The following G3BP2 variants were observed in gnomAD, a reference collection of about 807,000 sequenced individuals.
The protein encoded by G3BP2 is ras GTPase-activating protein-binding protein 2.
In G3BP2, 11 loss-of-function variants were observed where a neutral mutation model predicts 56.7. That is an observed-to-expected ratio of 0.19 (90% confidence interval 0.12 to 0.32). The LOEUF (loss-of-function observed/expected upper bound fraction) is 0.32, where lower values mean the gene tolerates loss of function less well. Among genes scored for constraint, G3BP2 ranks in the 10% least tolerant of loss-of-function variants. G3BP2 has a pLI of 1.00. For missense variants in G3BP2, 340 were observed against 610.9 expected, an observed-to-expected ratio of 0.56 and a Z score of 4.67; for synonymous variants, 165 against 191.6, an observed-to-expected ratio of 0.86 and a Z score of 1.15.
At chr4:75,666,898 T>C (rs1007288269) in intron 1 of G3BP2, among the ~76,000 whole-genome samples, 1 of 152,144 alleles carries the variant, frequency 6.6e-6, no homozygotes, top group African/African-American at 2.4e-5. Flanking sequence ...TCCATGGCCA[T>C]GAAAAACTCA....
intron 2 of G3BP2, among the ~76,000 whole-genome samples, chr4:75,661,334 G>A (rs1732537172): frequency 6.6e-6 from 1 of 152,080 alleles, no homozygotes; most frequent in Non-Finnish European, 1.5e-5. Context: ...CACCATGTTG[G>A]CCAGGCTGGT....
At chr4:75,646,623 C>A (rs1046225344) in intron 10 of G3BP2, among the ~76,000 whole-genome samples, 167 bp from the exon 11 acceptor site, 94 of 152,172 alleles carry the variant, frequency 6.2e-4, no homozygotes, top group African/African-American at 2.1e-3. Context: ...AGCAGGCAAT[C>A]CCCTAAGATA....
chr4:75,653,601 A>C lies in G3BP2; in HGVS notation c.825+382T>G, dbSNP rs112918855. Reference sequence around the variant, plus strand: ...TTTTTTTTTGCTTTAAAAAAAAAAAAAAAAACAAAAACGATTCTTTATTAC... The same window carrying C: ...TTTTTTTTTGCTTTAAAAAAAAAAACAAAAACAAAAACGATTCTTTATTAC... On this transcript the variant is annotated intron_variant, in intron 8 of 11. Transcript: ENST00000359707. Among the ~76,000 whole-genome samples the C allele has an allele frequency of 1.3e-3, 204 of 151,158 alleles. 1 individual carries two copies. The highest frequency in any genetic ancestry group is 3.6e-3 in the African/African-American group (147 of 41,202).
chr4:75,656,119 T>G (rs1390389856), intron 5 of G3BP2, among the ~76,000 whole-genome samples: 2 of 151,652 alleles, frequency 1.3e-5, no homozygotes, highest in African/African-American at 4.9e-5. Flanking sequence ...GCCTCTTGAG[T>G]AGCTGGGGTT....
chr4:75,668,672 A>G (rs1226514259), intron 1 of G3BP2, among the ~76,000 whole-genome samples: 1 of 152,184 alleles, frequency 6.6e-6, no homozygotes, highest in Non-Finnish European at 1.5e-5. Flanking sequence ...TAAGATCCTA[A>G]AAGTCTGTTA....
intron 11 of G3BP2, 59 bp downstream of exon 11, chr4:75,646,279 A>G (rs1377384172): frequency 1.3e-6 from 1 of 784,996 alleles, no homozygotes; most frequent in Non-Finnish European, 2.2e-6. Context: ...TAAATACCCC[A>G]AATTAATATA....
upstream of G3BP2, among the ~76,000 whole-genome samples, chr4:75,677,032 C>A (rs1224595034): frequency 6.6e-6 from 1 of 152,110 alleles, no homozygotes; most frequent in African/African-American, 2.4e-5. Flanking sequence ...ATGAATCAGA[C>A]CCAATCACCA....
chr4:75,700,005 T>C (rs1223503353), intron 3 of G3BP2, among the ~76,000 whole-genome samples: 1 of 152,146 alleles, frequency 6.6e-6, no homozygotes, highest in Non-Finnish European at 1.5e-5. Context: ...ATTGTTAAAA[T>C]ATGCAAAGAA....
At chr4:75,654,935 C>A in intron 7 of G3BP2, 131 bp downstream of exon 7, 1 of 650,834 alleles carries the variant, frequency 1.5e-6, no homozygotes, top group Non-Finnish European at 2.6e-6. Flanking sequence ...ACAAACAAAC[C>A]CCACAGCTTC....
At chr4:75,673,151 A>C in intron 1 of G3BP2, 57 bp downstream of exon 1, 2 of 1,134,074 alleles carry the variant, frequency 1.8e-6, no homozygotes, top group Non-Finnish European at 2.2e-6. Context: ...CGGAGCGCGA[A>C]TGGAATGTCC....
At chr4:75,652,729 T>C (rs945141595) in intron 8 of G3BP2, among the ~76,000 whole-genome samples, 1 of 152,160 alleles carries the variant, frequency 6.6e-6, no homozygotes, top group Non-Finnish European at 1.5e-5. Flanking sequence ...GTCTGTGAGT[T>C]ACTCTAGACC....
chr4:75,682,786 C>G (rs1190617320), intron 3 of G3BP2, among the ~76,000 whole-genome samples: 1 of 151,978 alleles, frequency 6.6e-6, no homozygotes, highest in Non-Finnish European at 1.5e-5. Context: ...TCGAGACCAT[C>G]CTGGCCAACA....
intron 8 of G3BP2, among the ~76,000 whole-genome samples, chr4:75,652,019 A>T (rs60332325): frequency 0.15 from 22,570 of 152,250 alleles, 2,240 homozygotes; most frequent in African/African-American, 0.28. Flanking sequence ...AAATTGAAGG[A>T]TTATTAAATC....
chr4:75,687,689 G>A (rs1718669839), intron 3 of G3BP2, among the ~76,000 whole-genome samples: 2 of 152,192 alleles, frequency 1.3e-5, no homozygotes, highest in South Asian at 4.1e-4. Context: ...CACACATGTA[G>A]GCTAAACACT....
At chr4:75,662,114 A>G in intron 1 of G3BP2, 65 bp from the exon 2 acceptor site, 1 of 982,404 alleles carries the variant, frequency 1.0e-6, no homozygotes, top group Non-Finnish European at 1.6e-6. Flanking sequence ...CCATGAAATA[A>G]ATTTTCTTTT....
upstream of G3BP2, chr4:75,673,624 A>G (rs994940716): frequency 1.5e-5 from 19 of 1,230,688 alleles, no homozygotes; most frequent in African/African-American, 1.4e-4. Context: ...TAAAGCCAAG[A>G]TAAGAGTCCG....
chr4:75,650,992 G>A (rs1049868129), intron 8 of G3BP2, among the ~76,000 whole-genome samples: 3 of 152,160 alleles, frequency 2.0e-5, no homozygotes, highest in Admixed American at 6.5e-5. Flanking sequence ...AAACATGCAG[G>A]ATAATGTTCT....
intron 1 of G3BP2, among the ~76,000 whole-genome samples, chr4:75,672,102 C>T (rs1167471696): frequency 6.6e-6 from 1 of 152,172 alleles, no homozygotes; most frequent in African/African-American, 2.4e-5. Flanking sequence ...AGTTAATATC[C>T]CACAACAATC....
At chr4:75,715,798 TC>T (rs2149114957) in intron 3 of G3BP2, among the ~76,000 whole-genome samples, 1 of 152,290 alleles carries the variant, frequency 6.6e-6, no homozygotes, top group East Asian at 1.9e-4. Flanking sequence ...GTTAAATACT[TC>T]CTTTCACTGA....
Sources: allele counts gnomAD v4.1 joint callset (sites outside exome capture counted in the v4.1 genomes callset), GRCh38; gene constraint gnomAD v4.1.1; transcripts MANE v1.5; gene names NCBI Gene and HGNC (gene_info 2026-07-23, HGNC 2026-07-21).